ZBTB20: variants seen among roughly 807,000 people sequenced by gnomAD.
ZBTB20 encodes zinc finger and BTB domain-containing protein 20.
In ZBTB20, 9 loss-of-function variants were observed where a neutral mutation model predicts 56.9. That is an observed-to-expected ratio of 0.16 (90% CI 0.10 to 0.28). The LOEUF (loss-of-function observed/expected upper bound fraction) is 0.28, where lower values mean the gene tolerates loss of function less well. Among genes scored for constraint, ZBTB20 ranks in the 10% least tolerant of loss-of-function variants. The probability of loss-of-function intolerance (pLI) is 1.00; values close to 1 mark genes in which losing one functional copy is unlikely to be tolerated. For synonymous variants in ZBTB20, 417 were observed against 420.7 expected (o/e 0.99, Z 0.11); for missense variants, 655 against 1,003.0 (o/e 0.65, Z 4.69).
chr3:114,504,166 G>A (rs1194067456), intron 6 of ZBTB20, among the ~76,000 whole-genome samples: 2 of 152,158 alleles, frequency 1.3e-5, no homozygotes, highest in African/African-American at 2.4e-5. Context: ...TGTGGTTAGA[G>A]CCACACAGGC....
chr3:114,687,036 A>G (rs998366546), intron 6 of ZBTB20, among the ~76,000 whole-genome samples: 2 of 152,186 alleles, frequency 1.3e-5, no homozygotes, highest in Admixed American at 6.6e-5. Flanking sequence ...AAACTCCATG[A>G]GGGAAATGGG....
intron 4 of ZBTB20, among the ~76,000 whole-genome samples, chr3:114,843,054 TC>T (rs1411378861): frequency 6.6e-6 from 1 of 152,158 alleles, no homozygotes; most frequent in African/African-American, 2.4e-5. Context: ...TCTCTCTTTT[TC>T]TGTCCTTCTG....
intron 11 of ZBTB20, among the ~76,000 whole-genome samples, chr3:114,347,643 GA>G (rs1315966650): frequency 1.3e-5 from 2 of 152,140 alleles, no homozygotes; most frequent in African/African-American, 2.4e-5. Context: ...CTTGCTTTTT[GA>G]AATCTAGACC....
chr3:115,004,572 G>A (rs1234113236), intron 2 of ZBTB20, among the ~76,000 whole-genome samples: 2 of 151,620 alleles, frequency 1.3e-5, no homozygotes, highest in South Asian at 2.1e-4. Flanking sequence ...CAAAAAACAA[G>A]AGGGTCTTTC....
intron 6 of ZBTB20, among the ~76,000 whole-genome samples, chr3:114,685,340 T>C (rs1432200762): frequency 6.6e-6 from 1 of 152,196 alleles, no homozygotes. Flanking sequence ...TCAAGCCTCA[T>C]GATTTCAAAG....
intron 2 of ZBTB20, among the ~76,000 whole-genome samples, chr3:114,992,777 T>C (rs1169861075): frequency 1.3e-5 from 2 of 151,702 alleles, no homozygotes; most frequent in African/African-American, 4.8e-5. Context: ...CTAGAAATCT[T>C]CTTAGGGTTC....
intron 3 of ZBTB20, among the ~76,000 whole-genome samples, chr3:114,937,375 CG>C (rs2076570804): frequency 6.6e-6 from 1 of 151,694 alleles, no homozygotes; most frequent in African/African-American, 2.4e-5. Flanking sequence ...CCAGTGATGA[CG>C]AGCTTTTTTT....
At chr3:115,020,855 A>C (rs564993723) in intron 2 of ZBTB20, among the ~76,000 whole-genome samples, 7 of 151,194 alleles carry the variant, frequency 4.6e-5, no homozygotes, top group African/African-American at 1.4e-4. Flanking sequence ...GAATAGCTTT[A>C]TTATAAATGA....
intron 5 of ZBTB20, among the ~76,000 whole-genome samples, chr3:114,733,281 T>C (rs554983804): frequency 1.3e-5 from 2 of 152,310 alleles, no homozygotes; most frequent in South Asian, 4.1e-4. Flanking sequence ...TTGACTTTCA[T>C]AACAGGTAGT....
intron 7 of ZBTB20, among the ~76,000 whole-genome samples, chr3:114,431,223 C>T (rs947448130): frequency 6.6e-6 from 1 of 151,998 alleles, no homozygotes; most frequent in Non-Finnish European, 1.5e-5. Flanking sequence ...GAAAGTGAAA[C>T]GATGAAAAGG....
At chr3:114,714,590 C>G (rs1006870525) in intron 5 of ZBTB20, among the ~76,000 whole-genome samples, 11 of 151,826 alleles carry the variant, frequency 7.2e-5, no homozygotes, top group African/African-American at 2.7e-4. Context: ...CCATTGTGTC[C>G]CCTTCTTCTT....
At chr3:114,643,502 A>G (rs1323295349) in intron 6 of ZBTB20, among the ~76,000 whole-genome samples, 1 of 152,094 alleles carries the variant, frequency 6.6e-6, no homozygotes, top group African/African-American at 2.4e-5. Context: ...TATTCACCTG[A>G]ATGCATTTTG....
At position 114,316,002 on chromosome 3, in the gene ZBTB20, A is replaced by C. The variant is rs925466123; in HGVS notation, c.*23003T>G. On this transcript the variant is annotated 3_prime_UTR_variant, in exon 12 of 12. Transcript: ENST00000675478. Reference sequence around the variant, plus strand: ...TTCAGTTTTTATTTCAAACATTAAGAGAGTACTGATTTTCACATGGTAGTT... The same window carrying C: ...TTCAGTTTTTATTTCAAACATTAAGCGAGTACTGATTTTCACATGGTAGTT... The C allele has an allele frequency of 6.2e-6, 1 of 160,956 alleles. No individual in the cohort carries two copies. The highest frequency in any genetic ancestry group is 1.8e-4 in the South Asian group (1 of 5,510). 10.0% of individuals were successfully genotyped at this position (160,956 alleles called of 1,614,324 possible). A position where few individuals can be genotyped will look rare whatever the true frequency, so the allele number is the denominator to read the frequency against.
At chr3:114,670,267 T>C (rs1485847866) in intron 6 of ZBTB20, among the ~76,000 whole-genome samples, 1 of 152,060 alleles carries the variant, frequency 6.6e-6, no homozygotes, top group East Asian at 1.9e-4. Context: ...AAGTTGACTT[T>C]ATTTCTTTAC....
chr3:114,972,887 G>C (rs1265011661), intron 3 of ZBTB20, among the ~76,000 whole-genome samples: 1 of 151,652 alleles, frequency 6.6e-6, no homozygotes, highest in Non-Finnish European at 1.5e-5. Flanking sequence ...ACACAGACAG[G>C]TTGCTAACTT....
chr3:115,041,390 G>C (rs943659260), intron 2 of ZBTB20, among the ~76,000 whole-genome samples: 1 of 151,986 alleles, frequency 6.6e-6, no homozygotes, highest in Non-Finnish European at 1.5e-5. Context: ...CAAAACTCTA[G>C]TTTTTTTATT....
chr3:115,107,050 CCTTAT>C (rs1472031244), intron 1 of ZBTB20, among the ~76,000 whole-genome samples: 2 of 152,168 alleles, frequency 1.3e-5, no homozygotes, highest in Non-Finnish European at 2.9e-5. Flanking sequence ...TTAAACACAT[CCTTAT>C]CTTAAGATCT....
intron 6 of ZBTB20, among the ~76,000 whole-genome samples, chr3:114,692,490 C>T (rs2062759095): frequency 6.6e-6 from 1 of 152,044 alleles, no homozygotes; most frequent in South Asian, 2.1e-4. Context: ...AGTTTATGCA[C>T]GTTCATATAA....
At chr3:114,468,380 C>T (rs1475103135) in intron 7 of ZBTB20, among the ~76,000 whole-genome samples, 1 of 152,050 alleles carries the variant, frequency 6.6e-6, no homozygotes, top group African/African-American at 2.4e-5. Flanking sequence ...ACAAAAGCTG[C>T]CCTTGGGACT....
Sources: allele counts gnomAD v4.1 joint callset (sites outside exome capture counted in the v4.1 genomes callset), GRCh38; gene constraint gnomAD v4.1.1; transcripts MANE v1.5; gene names NCBI Gene and HGNC (gene_info 2026-07-23, HGNC 2026-07-21).